The following DDX10 variants were observed in gnomAD, a reference collection of about 807,000 sequenced individuals.
DDX10 encodes the protein probable ATP-dependent RNA helicase DDX10.
DDX10 carries 74 observed loss-of-function variants against 104.3 expected under a neutral mutation model. The ratio of observed to expected loss-of-function variants is 0.71; its 90% CI spans 0.59 to 0.86. The LOEUF is 0.86. DDX10 is among the 40% of genes least tolerant of loss of function. The pLI is 0.00. For synonymous variants in DDX10, 351 were observed against 353.4 expected, an observed-to-expected ratio of 0.99 and a Z score of 0.08; for missense variants, 952 against 1,040.0, an observed-to-expected ratio of 0.92 and a Z score of 1.16.
chr11:108,787,206 G>C (rs1861806375), intron 13 of DDX10, among the ~76,000 whole-genome samples: 1 of 152,162 alleles, frequency 6.6e-6, no homozygotes, highest in Non-Finnish European at 1.5e-5. Flanking sequence ...TCTTCTAAGA[G>C]GTCTGCTGCT....
intron 16 of DDX10, among the ~76,000 whole-genome samples, chr11:108,877,605 A>G (rs1863169892): frequency 6.6e-6 from 1 of 152,162 alleles, no homozygotes; most frequent in Admixed American, 6.5e-5. Context: ...TGCATGATGG[A>G]TTTGGAGGAT....
chr11:108,842,518 T>G (rs1481614371), intron 15 of DDX10, among the ~76,000 whole-genome samples: 1 of 152,206 alleles, frequency 6.6e-6, no homozygotes, highest in Non-Finnish European at 1.5e-5. Context: ...CATTTCTTTA[T>G]TTTAATATTT....
rs372567899 is a variant in DDX10, at chr11:108,873,192, A to G, written c.2304+20983A>G. ...ATTTGGACTAAGTGGCCCTTTTATT[A>G]GAGTAAAAAATTGAGTCATGGTATA... On this transcript the variant is annotated intron_variant, in intron 16 of 17. Transcript: ENST00000322536. Among the ~76,000 whole-genome samples, 14 of 152,330 alleles carry G rather than the reference A, an allele frequency of 9.2e-5. No homozygotes were observed. In the East Asian group the frequency reaches 2.1e-3, roughly 23 times the overall value.
Position 108,917,949 on chromosome 11 carries a change from C to T in DDX10, c.2381C>T (p.Thr794Ile). The T allele has an allele frequency of 2.5e-6, 4 of 1,613,286 alleles. No homozygotes were observed. In the East Asian group the frequency reaches 6.7e-5, roughly 27 times the overall value. ...DDDDDGFDPS[T>I]LPDPDKYRSS... ...GATGATGATGGATTTGATCCAAGCA[C>T]ACTCCCAGATCCAGATAAATACAGA... The change falls in exon 17 of 18, where the codon ACA becomes ATA. Residue 794 changes from threonine to isoleucine, a missense_variant. Thr to Ile is a moderately conservative substitution (Grantham distance 89). Transcript: ENST00000322536.
intron 13 of DDX10, among the ~76,000 whole-genome samples, chr11:108,746,225 G>T (rs1194515554): frequency 1.3e-5 from 2 of 151,882 alleles, no homozygotes; most frequent in Non-Finnish European, 2.9e-5. Flanking sequence ...GTAAGCACTG[G>T]TCTATTTTCT....
intron 13 of DDX10, among the ~76,000 whole-genome samples, chr11:108,795,165 T>C (rs553490458): frequency 6.6e-6 from 1 of 152,114 alleles, no homozygotes; most frequent in South Asian, 2.1e-4. Flanking sequence ...TTTTCTGGTT[T>C]TGTTCTTGGT....
chr11:108,777,803 T>A (rs1382567602), intron 13 of DDX10, among the ~76,000 whole-genome samples: 1 of 152,204 alleles, frequency 6.6e-6, no homozygotes, highest in Non-Finnish European at 1.5e-5. Context: ...CCTCATCGTC[T>A]CAGCCCAAAA....
At chr11:108,885,328 T>A (rs1863281482) in intron 16 of DDX10, among the ~76,000 whole-genome samples, 1 of 150,768 alleles carries the variant, frequency 6.6e-6, no homozygotes, top group South Asian at 2.1e-4. Flanking sequence ...ATCATAGGCC[T>A]TCCGTGATTC....
chr11:108,910,128 C>T lies in DDX10; in HGVS notation c.2305-7745C>T, dbSNP rs1177370451. Among the ~76,000 whole-genome samples the T allele has an allele frequency of 9.1e-4, 136 of 149,540 alleles. 1 individual carries two copies. The highest frequency in any genetic ancestry group is 3.2e-3 in the African/African-American group (131 of 40,844). On this transcript the variant is annotated intron_variant, in intron 16 of 17. Coordinates refer to ENST00000322536, the MANE Select transcript of DDX10 (RefSeq NM_004398.4). ...CCAAGGATAAGGAAAGTGGAGATTA[C>T]CACATGTAAGGTATCATAGGAAACA...
chr11:108,782,124 A>G (rs2094378992), intron 13 of DDX10, among the ~76,000 whole-genome samples: 1 of 152,198 alleles, frequency 6.6e-6, no homozygotes, highest in South Asian at 2.1e-4. Flanking sequence ...ATTTCTGACA[A>G]GCTCAGGTGA....
intron 17 of DDX10, among the ~76,000 whole-genome samples, chr11:108,927,631 G>A (rs141101988): frequency 0.013 from 1,615 of 128,840 alleles, 31 homozygotes; most frequent in African/African-American, 0.041. Flanking sequence ...GACAGCACTT[G>A]GAACTTTTTT....
At position 108,669,866 on chromosome 11, in the gene DDX10, G is replaced by A. The variant is rs1000286580; in HGVS notation, c.187-3601G>A. On this transcript the variant is annotated intron_variant, in intron 1 of 17. Coordinates refer to ENST00000322536, the MANE Select transcript of DDX10 (RefSeq NM_004398.4). ...AAAGACAGAAGAGGGTCACCACCTA[G>A]GAATGTGGGCAGCCTCTAGAAGCTG... Among the ~76,000 whole-genome samples the A allele has an allele frequency of 2.6e-5, 4 of 152,198 alleles. No homozygotes were observed. The South Asian group carries it at 8.3e-4, about 31-fold the overall frequency.
chr11:108,723,081 A>G lies in DDX10; in HGVS notation c.1584A>G (p.Gln528=), dbSNP rs764912456. 5.9e-5 allele frequency: 96 copies of G among 1,613,778 alleles called. No homozygotes were observed. The highest frequency in any genetic ancestry group is 8.0e-5 in the Non-Finnish European group (94 of 1,179,882). The change falls in exon 13 of 18, where the codon CAA becomes CAG. Residue 528 remains glutamine (Q), a synonymous_variant. Transcript: ENST00000322536. ...CCACCAAAGAATTGGTAAGGAGCCA[A>G]GCCGATAAAGTAATTGAGCCAAGGG... ...KQPTKELVRS[Q]ADKVIEPRAP... is the part of the protein sequence containing the mutation.
chr11:108,901,133 A>T (rs1733517814), intron 16 of DDX10, among the ~76,000 whole-genome samples: 1 of 152,096 alleles, frequency 6.6e-6, no homozygotes, highest in Non-Finnish European at 1.5e-5. Flanking sequence ...AACATATGTC[A>T]CTGCCTCCTT....
intron 15 of DDX10, among the ~76,000 whole-genome samples, chr11:108,845,297 T>C (rs1030979398): frequency 6.6e-6 from 1 of 152,224 alleles, no homozygotes; most frequent in African/African-American, 2.4e-5. Flanking sequence ...AAAAACTAAA[T>C]ATATTATTAA....
At chr11:108,705,592 A>G (rs1033660289) in intron 9 of DDX10, among the ~76,000 whole-genome samples, 1 of 152,070 alleles carries the variant, frequency 6.6e-6, no homozygotes, top group Non-Finnish European at 1.5e-5. Flanking sequence ...GGAGACAGGG[A>G]TTTTCATCTT....
At chr11:108,844,019 T>A (rs1862678699) in intron 15 of DDX10, among the ~76,000 whole-genome samples, 1 of 152,184 alleles carries the variant, frequency 6.6e-6, no homozygotes, top group Admixed American at 6.5e-5. Context: ...AGCATGTGAT[T>A]TTTTAGACTG....
chr11:108,924,440 A>G (rs1863881702), intron 17 of DDX10, among the ~76,000 whole-genome samples: 1 of 152,200 alleles, frequency 6.6e-6, no homozygotes, highest in South Asian at 2.1e-4. Flanking sequence ...AGTACAGAGT[A>G]AACTATTCCA....
At chr11:108,835,830 C>T (rs985413563) in intron 13 of DDX10, among the ~76,000 whole-genome samples, 13 of 128,822 alleles carry the variant, frequency 1.0e-4, no homozygotes, top group African/African-American at 2.1e-4. Context: ...CCATTTGAGG[C>T]GTGGTGGGGG....
Sources: gnomAD v4.1 joint callset for allele counts (sites outside exome capture counted in the v4.1 genomes callset) on GRCh38, gnomAD v4.1.1 for gene constraint, MANE v1.5 for transcripts, NCBI Gene and HGNC (gene_info 2026-07-23, HGNC 2026-07-21) for gene names.